The following NEDD4L variants were observed in gnomAD, a reference collection of about 807,000 sequenced individuals.
NEDD4L encodes the protein NEDD4 like E3 ubiquitin protein ligase.
Under a neutral mutation model 148.9 loss-of-function variants are expected in NEDD4L, and 54 were observed. The observed-to-expected ratio is 0.36, with a 90% CI of 0.29 to 0.45. The LOEUF (loss-of-function observed/expected upper bound fraction) is 0.45. Among genes scored for constraint, NEDD4L ranks in the 20% least tolerant of loss-of-function variants. The probability of loss-of-function intolerance (pLI) is 1.00; values close to 1 mark genes in which losing one functional copy is unlikely to be tolerated. For missense variants in NEDD4L, 856 were observed against 1,233.8 expected (o/e 0.69, Z 4.59); for synonymous variants, 433 against 440.7 (o/e 0.98, Z 0.22).
intron 5 of NEDD4L, among the ~76,000 whole-genome samples, chr18:58,296,047 G>GT (rs2055520523): frequency 6.6e-6 from 1 of 152,182 alleles, no homozygotes; most frequent in African/African-American, 2.4e-5. Context: ...GAGCTTGTGT[G>GT]TGCCCCCAGA....
chr18:58,345,434 G>A (rs2042925261), intron 16 of NEDD4L, among the ~76,000 whole-genome samples: 1 of 152,214 alleles, frequency 6.6e-6, no homozygotes, highest in African/African-American at 2.4e-5. Flanking sequence ...GAAAGAAGAA[G>A]AGAACAAATG....
At chr18:58,323,390 C>T in intron 8 of NEDD4L, 56 bp downstream of exon 8, 1 of 913,946 alleles carries the variant, frequency 1.1e-6, no homozygotes, top group Non-Finnish European at 1.7e-6. Flanking sequence ...TCATGTTTTG[C>T]TTTCAAACTT....
intron 1 of NEDD4L, among the ~76,000 whole-genome samples, chr18:58,144,909 G>A (rs758750817): frequency 5.3e-5 from 8 of 152,180 alleles, no homozygotes; most frequent in Non-Finnish European, 1.2e-4. Context: ...TGTGGTACCA[G>A]TCAGGGCCCA....
At chr18:58,133,619 C>T (rs1053480400) in intron 1 of NEDD4L, among the ~76,000 whole-genome samples, 2 of 151,854 alleles carry the variant, frequency 1.3e-5, no homozygotes, top group Non-Finnish European at 2.9e-5. Context: ...TATAGTAATA[C>T]GTATAATGCA....
intron 2 of NEDD4L, among the ~76,000 whole-genome samples, chr18:58,198,546 G>A (rs2041009698): frequency 6.6e-6 from 1 of 152,132 alleles, no homozygotes. Flanking sequence ...TCGGGGAGCT[G>A]GGGGACACAC....
intron 1 of NEDD4L, among the ~76,000 whole-genome samples, chr18:58,069,948 A>G (rs1363872302): frequency 6.6e-6 from 1 of 152,160 alleles, no homozygotes; most frequent in Non-Finnish European, 1.5e-5. Flanking sequence ...CAGCAGCCTC[A>G]CAGCCATGGC....
intron 2 of NEDD4L, among the ~76,000 whole-genome samples, chr18:58,205,722 G>T (rs1279955880): frequency 6.6e-6 from 1 of 151,476 alleles, no homozygotes; most frequent in Non-Finnish European, 1.5e-5. Context: ...TTAAGAAATA[G>T]CATTATTGTT....
At chr18:58,063,833 C>T (rs901953030) in intron 1 of NEDD4L, among the ~76,000 whole-genome samples, 2 of 151,896 alleles carry the variant, frequency 1.3e-5, no homozygotes, top group African/African-American at 2.4e-5. Flanking sequence ...GGATTACAGG[C>T]GTGAGCCACT....
chr18:58,361,170 GC>G (rs2045422352), intron 19 of NEDD4L, among the ~76,000 whole-genome samples: 1 of 152,122 alleles, frequency 6.6e-6, no homozygotes, highest in East Asian at 1.9e-4. Context: ...TAGGTCCAGT[GC>G]CCACTGATTT....
At chr18:58,163,998 C>T (rs1336611566) in intron 1 of NEDD4L, among the ~76,000 whole-genome samples, 2 of 151,498 alleles carry the variant, frequency 1.3e-5, no homozygotes, top group African/African-American at 4.9e-5. Context: ...TTTCTTGCGC[C>T]GTCAGCCATT....
At chr18:58,340,986 A>G in intron 13 of NEDD4L, 52 bp from the exon 14 acceptor site, 1 of 1,560,232 alleles carries the variant, frequency 6.4e-7, no homozygotes, top group Non-Finnish European at 8.7e-7. Flanking sequence ...TATTAAACTG[A>G]TCAGAAAACA....
chr18:58,132,684 C>T (rs1303247261), intron 1 of NEDD4L, among the ~76,000 whole-genome samples: 1 of 152,192 alleles, frequency 6.6e-6, no homozygotes, highest in African/African-American at 2.4e-5. Context: ...CAAGCCAACC[C>T]TCGTTGTCTT....
chr18:58,306,987 G>A (rs2057143543), intron 5 of NEDD4L, among the ~76,000 whole-genome samples: 1 of 152,198 alleles, frequency 6.6e-6, no homozygotes, highest in Non-Finnish European at 1.5e-5. Flanking sequence ...TGAGCTACAG[G>A]TTGGCTTGTT....
At chr18:58,330,667 G>T in intron 10 of NEDD4L, 71 bp from the exon 11 acceptor site, 1 of 1,244,626 alleles carries the variant, frequency 8.0e-7, no homozygotes. Flanking sequence ...GTTGTTACAT[G>T]GTTTCATTGG....
intron 5 of NEDD4L, among the ~76,000 whole-genome samples, chr18:58,277,943 C>T (rs578150061): frequency 1.6e-4 from 25 of 152,190 alleles, no homozygotes; most frequent in Admixed American, 1.6e-3. Flanking sequence ...CAAGGGATTC[C>T]AACACAGGGT....
At chr18:58,098,899 A>G (rs957810092) in intron 1 of NEDD4L, among the ~76,000 whole-genome samples, 1 of 152,190 alleles carries the variant, frequency 6.6e-6, no homozygotes, top group African/African-American at 2.4e-5. Flanking sequence ...TACCCAACCC[A>G]TGTCACAGGG....
At chr18:58,333,689 T>C in intron 11 of NEDD4L, 129 bp from the exon 12 acceptor site, 1 of 683,678 alleles carries the variant, frequency 1.5e-6, no homozygotes, top group Non-Finnish European at 2.7e-6. Flanking sequence ...TCTGAAAAGA[T>C]GTTTCATTTA....
chr18:58,265,755 G>A (rs1204312847), intron 5 of NEDD4L, among the ~76,000 whole-genome samples: 12 of 152,018 alleles, frequency 7.9e-5, no homozygotes, highest in Non-Finnish European at 2.9e-5. Context: ...TAGAGATGGG[G>A]GTCTTACTAT....
At chr18:58,107,590 G>C (rs2085141908) in intron 1 of NEDD4L, among the ~76,000 whole-genome samples, 1 of 152,130 alleles carries the variant, frequency 6.6e-6, no homozygotes, top group African/African-American at 2.4e-5. Context: ...GTGGTGGCTT[G>C]TGCCTGTAGG....
Sources: allele counts gnomAD v4.1 joint callset (sites outside exome capture counted in the v4.1 genomes callset), GRCh38; gene constraint gnomAD v4.1.1; transcripts MANE v1.5; gene names NCBI Gene and HGNC (gene_info 2026-07-23, HGNC 2026-07-21).